Variants in ARF4 observed in about 807,000 individuals in gnomAD.
The protein encoded by ARF4 is ARF GTPase 4, also known as ADP-ribosylation factor 4.
ARF4 carries 5 observed loss-of-function variants against 24.3 expected under a neutral mutation model. The observed-to-expected ratio is 0.21, with a 90% CI of 0.11 to 0.43. The LOEUF (loss-of-function observed/expected upper bound fraction) is 0.43, where lower values mean the gene tolerates loss of function less well. Ranked by LOEUF, ARF4 falls within the 20% of genes least tolerant of loss-of-function variation. ARF4 has a pLI of 1.00. For missense variants in ARF4, 107 were observed against 213.0 expected, an observed-to-expected ratio of 0.50 and a Z score of 3.10; for synonymous variants, 62 against 73.5, an observed-to-expected ratio of 0.84 and a Z score of 0.80.
chr3:57,579,617 C>T (rs1368491073), intron 3 of ARF4, among the ~76,000 whole-genome samples: 4 of 152,154 alleles, frequency 2.6e-5, no homozygotes, highest in Non-Finnish European at 5.9e-5. Flanking sequence ...GTTTACCTCT[C>T]AGGATTACCA....
intron 3 of ARF4, among the ~76,000 whole-genome samples, chr3:57,578,496 T>C (rs546352082): frequency 7.3e-6 from 1 of 136,498 alleles, no homozygotes; most frequent in Non-Finnish European, 1.7e-5. Context: ...ATTAGCTTCT[T>C]TTCTCAGACA....
chr3:57,575,446 G>T, intron 5 of ARF4, 102 bp downstream of exon 5: 6 of 1,186,662 alleles, frequency 5.1e-6, no homozygotes, highest in Middle Eastern at 2.5e-4. Context: ...CTCATTATTT[G>T]TCCAAAGGAG....
At chr3:57,576,938 T>C (rs1246692252) in intron 4 of ARF4, among the ~76,000 whole-genome samples, 1 of 152,058 alleles carries the variant, frequency 6.6e-6, no homozygotes, top group Non-Finnish European at 1.5e-5. Context: ...TGAACCAAGA[T>C]TCCTAGGGTC....
intron 1 of ARF4, among the ~76,000 whole-genome samples, chr3:57,584,838 G>A (rs2070016710): frequency 6.8e-6 from 1 of 146,458 alleles, no homozygotes; most frequent in Non-Finnish European, 1.5e-5. Flanking sequence ...TAAATTCTAT[G>A]AACTACCAGC....
chr3:57,588,358 A>G (rs144361326), intron 1 of ARF4, among the ~76,000 whole-genome samples: 1,995 of 152,252 alleles, frequency 0.013, 49 homozygotes, highest in African/African-American at 0.045. Context: ...TGAGCCCAGG[A>G]GTTTGAAACC....
At chr3:57,581,766 T>A (rs190654128) in intron 3 of ARF4, among the ~76,000 whole-genome samples, 2 of 152,168 alleles carry the variant, frequency 1.3e-5, no homozygotes, top group Admixed American at 1.3e-4. Flanking sequence ...CGCCATAGCC[T>A]GGGTGACAGG....
At chr3:57,581,920 A>C in intron 3 of ARF4, among the ~76,000 whole-genome samples, 1 of 152,226 alleles carries the variant, frequency 6.6e-6, no homozygotes, top group Non-Finnish European at 1.5e-5. Context: ...ATGCTATTCT[A>C]TTTGTAGGTG....
intron 3 of ARF4, 49 bp downstream of exon 3, chr3:57,583,849 A>C: frequency 7.6e-7 from 1 of 1,309,728 alleles, no homozygotes; most frequent in South Asian, 1.3e-5. Context: ...AAAACTTTAG[A>C]GCATGAAACC....
intron 3 of ARF4, 132 bp from the exon 4 acceptor site, chr3:57,577,519 G>C: frequency 3.0e-6 from 2 of 671,244 alleles, no homozygotes; most frequent in Admixed American, 2.6e-5. Context: ...AGAACTTAAG[G>C]CTGTAATGCT....
At chr3:57,596,801 T>C (rs997274410) in intron 1 of ARF4, 1 of 427,192 alleles carries the variant, frequency 2.3e-6, no homozygotes, top group African/African-American at 2.1e-5. Context: ...CCCAATGTTG[T>C]CCAGCTTTCA....
intron 4 of ARF4, among the ~76,000 whole-genome samples, chr3:57,575,970 G>A (rs2069897934): frequency 6.6e-6 from 1 of 152,168 alleles, no homozygotes; most frequent in Non-Finnish European, 1.5e-5. Context: ...TGTCAGGACT[G>A]ATAAGGGCAA....
At chr3:57,584,499 CA>C in intron 1 of ARF4, 35 bp from the exon 2 acceptor site, 1 of 1,508,944 alleles carries the variant, frequency 6.6e-7, no homozygotes, top group Non-Finnish European at 9.2e-7. Context: ...AAATCCAGAC[CA>C]AAAGCACACT....
At chr3:57,583,249 G>A (rs952364481) in intron 3 of ARF4, among the ~76,000 whole-genome samples, 1 of 152,142 alleles carries the variant, frequency 6.6e-6, no homozygotes, top group African/African-American at 2.4e-5. Flanking sequence ...TGATTGATAT[G>A]CATATTAAAG....
chr3:57,578,135 G>A (rs945189066), intron 3 of ARF4, among the ~76,000 whole-genome samples: 4 of 152,098 alleles, frequency 2.6e-5, no homozygotes, highest in Admixed American at 6.6e-5. Flanking sequence ...TAAAAGGGGG[G>A]TGGGATAGCG....
At chr3:57,595,686 C>T (rs555251525) in intron 1 of ARF4, among the ~76,000 whole-genome samples, 3 of 152,252 alleles carry the variant, frequency 2.0e-5, no homozygotes, top group Admixed American at 6.5e-5. Flanking sequence ...CGGTGGCTCA[C>T]GCCTGTAATC....
intron 3 of ARF4, among the ~76,000 whole-genome samples, chr3:57,582,755 A>AAC (rs1553730425): frequency 0.39 from 58,507 of 151,446 alleles, 12,640 homozygotes; most frequent in South Asian, 0.56. Flanking sequence ...AAAAAAAATT[A>AAC]TTAAGTAATA....
chr3:57,592,590 G>A (rs1205974611), intron 1 of ARF4, among the ~76,000 whole-genome samples: 2 of 152,066 alleles, frequency 1.3e-5, no homozygotes, highest in South Asian at 2.1e-4. Flanking sequence ...TTCTACACAC[G>A]GATGAGAAAC....
At chr3:57,593,758 C>T (rs934569135) in intron 1 of ARF4, among the ~76,000 whole-genome samples, 1 of 152,100 alleles carries the variant, frequency 6.6e-6, no homozygotes, top group African/African-American at 2.4e-5. Flanking sequence ...ACAATGCAGC[C>T]AGGCTCAGTG....
rs1247052418 is a variant in ARF4, at chr3:57,584,410, T to TC, written c.121dup (p.Glu41GlyfsTer12). ...AATGGTAGGAATGGTGGTGACTATC[T>TC]CCCCTAACTTCAGTTTATACAGAAT... On this transcript the variant is annotated frameshift_variant, in exon 2 of 6. Transcript: ENST00000303436. LOFTEE classifies it high-confidence loss of function. 6.2e-7 allele frequency: 1 copy of TC among 1,613,102 alleles called. No homozygotes were observed. Among genetic ancestry groups the TC allele is most frequent in the Non-Finnish European group, 8.5e-7 (1 of 1,179,232 alleles).
Sources: gnomAD v4.1 joint callset for allele counts (sites outside exome capture counted in the v4.1 genomes callset) on GRCh38, gnomAD v4.1.1 for gene constraint, MANE v1.5 for transcripts, NCBI Gene and HGNC (gene_info 2026-07-23, HGNC 2026-07-21) for gene names.